Variants in TPST1 observed in about 807,000 individuals in gnomAD.
The protein encoded by TPST1 is tyrosylprotein sulfotransferase 1.
In TPST1, 20 loss-of-function variants were observed where a neutral mutation model predicts 34.8. That is an observed-to-expected ratio of 0.57 (90% CI 0.40 to 0.84). TPST1 has a LOEUF of 0.84. Ranked by LOEUF, TPST1 falls within the 40% of genes least tolerant of loss-of-function variation. TPST1 has a pLI of 0.00. For missense variants in TPST1, 353 were observed against 455.5 expected (o/e 0.78, Z 2.05); for synonymous variants, 152 against 159.4 (o/e 0.95, Z 0.35).
At chr7:66,254,971 C>A (rs1790353863) in intron 2 of TPST1, among the ~76,000 whole-genome samples, 1 of 151,654 alleles carries the variant, frequency 6.6e-6, no homozygotes, top group Admixed American at 6.6e-5. Flanking sequence ...CATGGTGAAA[C>A]CCCGTCTCTA....
intron 3 of TPST1, among the ~76,000 whole-genome samples, chr7:66,344,647 G>A (rs866623304): frequency 6.6e-6 from 1 of 151,574 alleles, no homozygotes; most frequent in East Asian, 1.9e-4. Context: ...TCCTGACCTC[G>A]TGATCCACCT....
At chr7:66,201,215 C>G (rs1248720093), upstream of TPST1, among the ~76,000 whole-genome samples, 2 of 151,764 alleles carry the variant, frequency 1.3e-5, no homozygotes, top group Non-Finnish European at 2.9e-5. Context: ...AACAAGTTTT[C>G]CTTTAAAAAA....
At chr7:66,260,581 A>G (rs1442469882) in intron 2 of TPST1, among the ~76,000 whole-genome samples, 1 of 152,188 alleles carries the variant, frequency 6.6e-6, no homozygotes, top group African/African-American at 2.4e-5. Context: ...GTTTATTTGC[A>G]TGCCTGATAA....
intron 1 of TPST1, chr7:66,221,685 T>A (rs2116290551): frequency 6.6e-6 from 1 of 152,322 alleles, no homozygotes; most frequent in East Asian, 1.9e-4. Context: ...TGCTGTAAAT[T>A]AATCTTTGGT....
chr7:66,233,931 G>A (rs1789851691), intron 1 of TPST1, among the ~76,000 whole-genome samples: 1 of 151,938 alleles, frequency 6.6e-6, no homozygotes, highest in African/African-American at 2.4e-5. Context: ...GCGTGATCTT[G>A]GTTCACTGCA....
intron 1 of TPST1, among the ~76,000 whole-genome samples, chr7:66,210,986 C>T (rs944659516): frequency 5.9e-5 from 9 of 151,912 alleles, no homozygotes; most frequent in East Asian, 3.9e-4. Flanking sequence ...CACACACACG[C>T]GCGCGCACAC....
At chr7:66,303,602 G>T (rs937886459) in intron 3 of TPST1, among the ~76,000 whole-genome samples, 4 of 151,996 alleles carry the variant, frequency 2.6e-5, no homozygotes, top group Admixed American at 6.6e-5. Flanking sequence ...TAGTGACAGG[G>T]TTTCACCAAG....
Position 66,240,529 on chromosome 7 carries a change from T to C in TPST1, c.104T>C (p.Ile35Thr), listed in dbSNP as rs762429086. Reference protein sequence around the residue: ...GQHAMECHHRIEERSQPVKLE... With the variant: ...GQHAMECHHRTEERSQPVKLE... ...CATGCCATGGAATGCCATCACCGGA[T>C]AGAGGAACGTAGCCAGCCAGTCAAA... The change falls in exon 2 of 6, where the codon ATA becomes ACA. Residue 35 changes from isoleucine to threonine, a missense_variant. Coordinates refer to ENST00000304842, the MANE Select transcript of TPST1 (RefSeq NM_003596.4). 6.2e-7 allele frequency: 1 copy of C among 1,614,166 alleles called. No homozygotes were observed.
chr7:66,318,139 CA>C (rs1644646176), intron 3 of TPST1, among the ~76,000 whole-genome samples: 1 of 152,120 alleles, frequency 6.6e-6, no homozygotes, highest in South Asian at 2.1e-4. Context: ...GCCTCGGCGA[CA>C]GAGCAAGACT....
chr7:66,359,149 C>T (rs1792639848), intron 5 of TPST1: 1 of 149,582 alleles, frequency 6.7e-6, no homozygotes, highest in South Asian at 2.1e-4. Context: ...CCCATTTCTT[C>T]ACATGAGGAG....
chr7:66,357,424 G>C (rs1236263769), intron 5 of TPST1, among the ~76,000 whole-genome samples: 2 of 152,166 alleles, frequency 1.3e-5, no homozygotes, highest in Admixed American at 6.5e-5. Context: ...TTGTTTGTTT[G>C]TTTGTTTCTT....
At chr7:66,305,520 T>TC in intron 3 of TPST1, among the ~76,000 whole-genome samples, 1 of 152,214 alleles carries the variant, frequency 6.6e-6, no homozygotes, top group Admixed American at 6.5e-5. Flanking sequence ...AGTATTTTTT[T>TC]CCCATTGTGT....
chr7:66,308,356 T>G (rs1446152652), intron 3 of TPST1, among the ~76,000 whole-genome samples: 4 of 152,208 alleles, frequency 2.6e-5, no homozygotes, highest in Non-Finnish European at 5.9e-5. Context: ...ATCTTAAGTT[T>G]TTGTTGGCGA....
upstream of TPST1, among the ~76,000 whole-genome samples, chr7:66,200,720 G>A (rs1222060350): frequency 2.0e-5 from 3 of 151,658 alleles, no homozygotes; most frequent in Non-Finnish European, 4.4e-5. Flanking sequence ...GCGCCCGACC[G>A]AGGTTATCTT....
chr7:66,226,830 T>C (rs1789665795), intron 1 of TPST1, among the ~76,000 whole-genome samples: 1 of 152,068 alleles, frequency 6.6e-6, no homozygotes, highest in Non-Finnish European at 1.5e-5. Flanking sequence ...TTGCCTTCAT[T>C]TGAGTCCTTA....
At chr7:66,208,244 G>A (rs1789172406) in intron 1 of TPST1, among the ~76,000 whole-genome samples, 1 of 152,296 alleles carries the variant, frequency 6.6e-6, no homozygotes, top group South Asian at 2.1e-4. Flanking sequence ...GAAAAAAGCA[G>A]TAAAGAAACA....
Position 66,205,715 on chromosome 7 carries a change from A to C in TPST1, c.-102+193A>C, listed in dbSNP as rs1211486818. On this transcript the variant is annotated intron_variant, in intron 1 of 5. Transcript: ENST00000304842. This position sits in a 1 kb window ranked among gnomAD's most constrained non-coding sequence, Gnocchi z 5.0. Reference sequence around the variant, plus strand: ...CCCCTGCTCCCACGCCCCTTCCCCCATCGCCGGCATTTCCCGGGCTCGGCT... The same window carrying C: ...CCCCTGCTCCCACGCCCCTTCCCCCCTCGCCGGCATTTCCCGGGCTCGGCT... 3.5e-5 allele frequency: 5 copies of C among 144,754 alleles called. No homozygotes were observed. The highest frequency in any genetic ancestry group is 6.1e-5 in the Non-Finnish European group (4 of 66,010). The allele number at this position is 144,754 out of a possible 1,614,324, so 9.0% of individuals were successfully genotyped here.
At chr7:66,345,164 A>G (rs1792319822) in intron 3 of TPST1, among the ~76,000 whole-genome samples, 1 of 152,080 alleles carries the variant, frequency 6.6e-6, no homozygotes, top group Non-Finnish European at 1.5e-5. Context: ...CAGATGCCAA[A>G]CCACAAATCC....
upstream of TPST1, among the ~76,000 whole-genome samples, chr7:66,204,804 A>C (rs1789087166): frequency 6.6e-6 from 1 of 152,186 alleles, no homozygotes; most frequent in South Asian, 2.1e-4. Flanking sequence ...GTGGGGATGA[A>C]ATAGTGTTTG....
Sources: allele counts gnomAD v4.1 joint callset (sites outside exome capture counted in the v4.1 genomes callset), GRCh38; gene constraint gnomAD v4.1.1; non-coding constraint Gnocchi (gnomAD v3.1); transcripts MANE v1.5; gene names NCBI Gene and HGNC (gene_info 2026-07-23, HGNC 2026-07-21).